Variants in FUT8 observed in about 807,000 individuals in gnomAD.
The protein encoded by FUT8 is alpha-(1,6)-fucosyltransferase.
Under a neutral mutation model 71.3 loss-of-function variants are expected in FUT8, and 29 were observed. The ratio of observed to expected loss-of-function variants is 0.41; its 90% CI spans 0.30 to 0.55. The LOEUF (loss-of-function observed/expected upper bound fraction) is 0.55. Among genes scored for constraint, FUT8 ranks in the 20% least tolerant of loss-of-function variants. The pLI is 0.34. For synonymous variants in FUT8, 254 were observed against 239.3 expected, an observed-to-expected ratio of 1.06 and a Z score of -0.57; for missense variants, 544 against 702.1, an observed-to-expected ratio of 0.77 and a Z score of 2.55.
intron 6 of FUT8, among the ~76,000 whole-genome samples, chr14:65,631,164 A>G (rs577847599): frequency 6.6e-6 from 1 of 152,306 alleles, no homozygotes; most frequent in Admixed American, 6.5e-5. Context: ...CCTATCAACT[A>G]GAACCTCACT....
At chr14:65,539,157 A>G (rs778424559) in intron 2 of FUT8, among the ~76,000 whole-genome samples, 6 of 152,216 alleles carry the variant, frequency 3.9e-5, no homozygotes, top group Non-Finnish European at 8.8e-5. Flanking sequence ...TTTTTGTTCT[A>G]TTATGGCTAA....
chr14:65,657,124 C>T (rs1197365997), intron 6 of FUT8, among the ~76,000 whole-genome samples: 6 of 152,128 alleles, frequency 3.9e-5, no homozygotes. Context: ...CCGATAAGCA[C>T]AGGCAACCAA....
At chr14:65,403,235 C>T in the FUT8 span, among the ~76,000 whole-genome samples, 1 of 152,090 alleles carries the variant, frequency 6.6e-6, no homozygotes, top group African/African-American at 2.4e-5. Context: ...CTAACAACAA[C>T]CCTATGATGT....
chr14:65,666,163 T>C (rs1892204076), intron 6 of FUT8, among the ~76,000 whole-genome samples: 1 of 152,178 alleles, frequency 6.6e-6, no homozygotes, highest in African/African-American at 2.4e-5. Flanking sequence ...TCACATTGTT[T>C]ACAGTTCTTC....
chr14:65,620,670 A>G (rs1889561204), intron 5 of FUT8, among the ~76,000 whole-genome samples: 1 of 152,210 alleles, frequency 6.6e-6, no homozygotes, highest in Non-Finnish European at 1.5e-5. Flanking sequence ...TCATATACAC[A>G]AAAACAGAGA....
chr14:65,682,473 C>G (rs1034549032), intron 7 of FUT8, among the ~76,000 whole-genome samples: 2 of 151,870 alleles, frequency 1.3e-5, no homozygotes, highest in African/African-American at 4.8e-5. Flanking sequence ...CCATTGCACT[C>G]CAGCCTGGGC....
chr14:65,482,582 C>A (rs1310968620), intron 2 of FUT8, among the ~76,000 whole-genome samples: 1 of 152,108 alleles, frequency 6.6e-6, no homozygotes, highest in Admixed American at 6.6e-5. Context: ...GCTGTGATTT[C>A]TTTGTCTTTC....
chr14:65,478,886 C>G (rs2066287297), intron 2 of FUT8, among the ~76,000 whole-genome samples: 1 of 152,192 alleles, frequency 6.6e-6, no homozygotes, highest in Admixed American at 6.5e-5. Context: ...CACAGATAAA[C>G]TCTTTTGTCT....
At position 65,489,738 on chromosome 14, in the gene FUT8, A is replaced by T. The variant is rs7142906; in HGVS notation, c.-228+34020A>T. Among the ~76,000 whole-genome samples the T allele has an allele frequency of 0.66, 100,715 of 151,940 alleles. 33,534 individuals carry two copies. The highest frequency in any genetic ancestry group is 0.77 in the East Asian group (3,990 of 5,178). ...TGTATTTGGAATTACATTAAAAAGG[A>T]TTCTATGTTTTGTTTATTGGTATCA... On this transcript the variant is annotated intron_variant, in intron 2 of 10. Transcript: ENST00000673929. This position sits in a 1 kb window ranked among gnomAD's most constrained non-coding sequence, Gnocchi z 4.0.
the FUT8 span, among the ~76,000 whole-genome samples, chr14:65,394,898 TATGCCAGACTA>T: frequency 6.6e-6 from 1 of 152,060 alleles, no homozygotes; most frequent in Non-Finnish European, 1.5e-5. Flanking sequence ...CATGTGCCAC[TATGCCAGACTA>T]ATTTTTGTAT....
intron 2 of FUT8, among the ~76,000 whole-genome samples, chr14:65,492,332 A>T (rs1159291292): frequency 6.6e-6 from 1 of 152,210 alleles, no homozygotes; most frequent in East Asian, 1.9e-4. Flanking sequence ...TGTGAGCTAT[A>T]ACAAGTGGAG....
intron 2 of FUT8, among the ~76,000 whole-genome samples, chr14:65,478,005 A>G (rs1263810838): frequency 2.0e-5 from 3 of 152,182 alleles, no homozygotes; most frequent in Admixed American, 2.0e-4. Context: ...CTCTTTAATC[A>G]GAAGATTCTA....
intron 9 of FUT8, among the ~76,000 whole-genome samples, chr14:65,726,822 A>G (rs567411271): frequency 1.3e-5 from 2 of 152,208 alleles, no homozygotes; most frequent in Non-Finnish European, 2.9e-5. Context: ...CCTTCCACCT[A>G]TGAGCCTATA....
At chr14:65,730,166 CA>C (rs1895902764) in intron 9 of FUT8, among the ~76,000 whole-genome samples, 3 of 152,102 alleles carry the variant, frequency 2.0e-5, no homozygotes, top group Admixed American at 2.0e-4. Flanking sequence ...TTTTCTGCTT[CA>C]AGAGGGTGAA....
chr14:65,537,483 G>A (rs550903441), intron 2 of FUT8, among the ~76,000 whole-genome samples: 6 of 152,190 alleles, frequency 3.9e-5, no homozygotes, highest in Admixed American at 3.9e-4. Context: ...CGCCTCCCAG[G>A]TTCACGCCTT....
intron 1 of FUT8, among the ~76,000 whole-genome samples, chr14:65,415,707 G>A (rs1183690832): frequency 6.9e-6 from 1 of 145,650 alleles, no homozygotes; most frequent in Non-Finnish European, 1.5e-5. Flanking sequence ...TTAAAGTAGA[G>A]ATAATTCCAA....
At chr14:65,659,306 C>T (rs1891847080) in intron 6 of FUT8, among the ~76,000 whole-genome samples, 1 of 151,746 alleles carries the variant, frequency 6.6e-6, no homozygotes, top group Non-Finnish European at 1.5e-5. Flanking sequence ...GAGACAAAGA[C>T]TCCGTCTTCG....
intron 3 of FUT8, among the ~76,000 whole-genome samples, chr14:65,565,697 G>C (rs1051982057): frequency 2.0e-5 from 3 of 151,602 alleles, no homozygotes; most frequent in African/African-American, 7.3e-5. Context: ...CTTTATTTTA[G>C]TCATTGTAAC....
chr14:65,741,372 C>G (rs1171976819), intron 10 of FUT8, among the ~76,000 whole-genome samples: 1 of 151,964 alleles, frequency 6.6e-6, no homozygotes, highest in Non-Finnish European at 1.5e-5. Context: ...AGCTCACTTG[C>G]CAGTGCTTGT....
Sources: allele counts gnomAD v4.1 joint callset (sites outside exome capture counted in the v4.1 genomes callset), GRCh38; gene constraint gnomAD v4.1.1; non-coding constraint Gnocchi (gnomAD v3.1); transcripts MANE v1.5; gene names NCBI Gene and HGNC (gene_info 2026-07-23, HGNC 2026-07-21).